CAPZB: variants seen among roughly 807,000 people sequenced by gnomAD.
The protein encoded by CAPZB is capping actin protein of muscle Z-line subunit beta, also known as F-actin-capping protein subunit beta.
Under a neutral mutation model 38.1 loss-of-function variants are expected in CAPZB, and 2 were observed. That is an observed-to-expected ratio of 0.05 (90% CI 0.02 to 0.17). CAPZB has a LOEUF of 0.17. Among genes scored for constraint, CAPZB ranks in the 10% least tolerant of loss-of-function variants. The probability of loss-of-function intolerance (pLI) is 1.00; values close to 1 mark genes in which losing one functional copy is unlikely to be tolerated. For missense variants in CAPZB, 161 were observed against 334.2 expected, an observed-to-expected ratio of 0.48 and a Z score of 4.04; for synonymous variants, 107 against 127.4, an observed-to-expected ratio of 0.84 and a Z score of 1.08.
chr1:19,394,192 G>T (rs1173656088), intron 2 of CAPZB, among the ~76,000 whole-genome samples: 1 of 152,134 alleles, frequency 6.6e-6, no homozygotes, highest in Admixed American at 6.5e-5. Flanking sequence ...TAGAGATGGG[G>T]TTTCACCATG....
chr1:19,350,483 C>T (rs2093985812), intron 6 of CAPZB, among the ~76,000 whole-genome samples: 1 of 152,276 alleles, frequency 6.6e-6, no homozygotes, highest in African/African-American at 2.4e-5. Flanking sequence ...GGCGTGCAGC[C>T]AGGCCAGAAG....
chr1:19,433,977 A>G lies in CAPZB; in HGVS notation c.4-14227T>C, dbSNP rs116582835. ...GCCCTCTGGCTCCCCTAAATAGATC[A>G]CCAAAGTTTTAAACATATTTTAGTG... On this transcript the variant is annotated intron_variant, in intron 1 of 8. Transcript: ENST00000264202. 6.9e-3 allele frequency among the ~76,000 whole-genome samples: 1,047 copies of G among 152,326 alleles called. 15 individuals are homozygous for G. The highest frequency in any genetic ancestry group is 0.024 in the African/African-American group (992 of 41,556).
chr1:19,342,390 G>C (rs566426382), intron 8 of CAPZB, among the ~76,000 whole-genome samples: 6 of 152,380 alleles, frequency 3.9e-5, no homozygotes, highest in African/African-American at 7.2e-5. Context: ...TGAAGCATGG[G>C]GGGGTGGACG....
chr1:19,388,540 T>C (rs2094215583), intron 2 of CAPZB, among the ~76,000 whole-genome samples: 1 of 152,248 alleles, frequency 6.6e-6, no homozygotes, highest in African/African-American at 2.4e-5. Flanking sequence ...TGGATGCTGA[T>C]GACAAGTTTC....
chr1:19,435,856 A>G (rs1172160899), intron 1 of CAPZB, among the ~76,000 whole-genome samples: 1 of 152,210 alleles, frequency 6.6e-6, no homozygotes. Flanking sequence ...TTTGTTTTAA[A>G]GTCTCCAAAA....
At chr1:19,420,891 C>A (rs1031764301) in intron 1 of CAPZB, among the ~76,000 whole-genome samples, 1 of 152,070 alleles carries the variant, frequency 6.6e-6, no homozygotes, top group Non-Finnish European at 1.5e-5. Flanking sequence ...AGAGCGGAGG[C>A]AAGGCTGGTA....
intron 1 of CAPZB, among the ~76,000 whole-genome samples, chr1:19,476,840 G>A (rs774092071): frequency 2.6e-5 from 4 of 152,218 alleles, no homozygotes; most frequent in South Asian, 2.1e-4. Flanking sequence ...GTGGCTAGAC[G>A]TACAGGGGAA....
At chr1:19,448,765 C>T in intron 1 of CAPZB, 1 of 1,581,694 alleles carries the variant, frequency 6.3e-7, no homozygotes, top group Admixed American at 1.7e-5. Flanking sequence ...TGGCAGTTAA[C>T]ATTTCAACCC....
intron 1 of CAPZB, 137 bp downstream of exon 1, chr1:19,485,299 G>T (rs936853578): frequency 6.4e-5 from 34 of 532,190 alleles, no homozygotes; most frequent in Non-Finnish European, 8.8e-5. Context: ...GGAGGGACCG[G>T]GTCCACCCAG....
intron 3 of CAPZB, among the ~76,000 whole-genome samples, chr1:19,381,872 C>G (rs1342197318): frequency 4.6e-5 from 7 of 151,968 alleles, no homozygotes; most frequent in Non-Finnish European, 1.5e-5. Context: ...CATCAGATCT[C>G]AGAGACAAAG....
chr1:19,485,289 G>T, intron 1 of CAPZB, 147 bp downstream of exon 1: 1 of 478,892 alleles, frequency 2.1e-6, no homozygotes, highest in Non-Finnish European at 3.3e-6. Context: ...TCCTGGGCGG[G>T]GAGGGACCGG....
chr1:19,423,663 T>C lies in CAPZB; in HGVS notation c.4-3913A>G, dbSNP rs372469943. On this transcript the variant is annotated intron_variant, in intron 1 of 8. Transcript: ENST00000264202. ...TCTCAGCCTCCTAAGTAGCTTGGAT[T>C]ACAGGCACACACCACCATGCCTGGT... 2.2e-4 allele frequency among the ~76,000 whole-genome samples: 33 copies of C among 151,928 alleles called. 1 individual carries two copies. Among genetic ancestry groups the C allele is most frequent in the African/African-American group, 7.5e-4 (31 of 41,416 alleles).
At chr1:19,400,175 T>C (rs570479808) in intron 2 of CAPZB, among the ~76,000 whole-genome samples, 84 of 152,166 alleles carry the variant, frequency 5.5e-4, no homozygotes, top group Admixed American at 1.4e-3. Flanking sequence ...CTCAACACCA[T>C]CCTGCTTACT....
chr1:19,354,882 C>G (rs2094011710), intron 6 of CAPZB, among the ~76,000 whole-genome samples: 1 of 152,182 alleles, frequency 6.6e-6, no homozygotes, highest in Admixed American at 6.5e-5. Flanking sequence ...AGCTGGCTGC[C>G]TGGGGGTTTG....
intron 1 of CAPZB, among the ~76,000 whole-genome samples, chr1:19,474,373 G>A (rs2094599747): frequency 6.6e-6 from 1 of 152,136 alleles, no homozygotes; most frequent in Non-Finnish European, 1.5e-5. Context: ...TGCTCAGGAA[G>A]TTGAGGCTGA....
intron 1 of CAPZB, among the ~76,000 whole-genome samples, chr1:19,442,431 T>G (rs2094480718): frequency 6.6e-6 from 1 of 152,120 alleles, no homozygotes; most frequent in Admixed American, 6.5e-5. Context: ...AATTGGGGGC[T>G]CATTATATCA....
intron 3 of CAPZB, among the ~76,000 whole-genome samples, chr1:19,382,249 T>C (rs775112291): frequency 3.3e-5 from 5 of 152,112 alleles, no homozygotes; most frequent in Non-Finnish European, 7.4e-5. Flanking sequence ...GAAGCCAGGG[T>C]AATTGTAGCT....
Position 19,344,371 on chromosome 1 carries a change from C to G in CAPZB, c.718G>C (p.Val240Leu), listed in dbSNP as rs1361836900. Reference sequence around the variant, plus strand: ...CTGGTACATTACCTCAGCCCATTGACGATATCCTTTGTTTTTCCAAAGTAG... The same window carrying G: ...CTGGTACATTACCTCAGCCCATTGAGGATATCCTTTGTTTTTCCAAAGTAG... The part of the protein sequence containing the change: ...EIYFGKTKDI[V>L]NGLRSVQTFA... Residue 240 changes from valine to leucine, a missense_variant, in exon 8 of 9, where the codon GTC (valine) becomes CTC (leucine). Physicochemically the swap from Val to Leu is conservative, Grantham distance 32. Transcript: ENST00000264202. The G allele has an allele frequency of 6.2e-7, 1 of 1,613,008 alleles. No individual in the cohort carries two copies. The highest frequency in any genetic ancestry group is 8.5e-7 in the Non-Finnish European group (1 of 1,178,930).
intron 6 of CAPZB, among the ~76,000 whole-genome samples, chr1:19,355,368 G>A (rs182483577): frequency 6.9e-4 from 105 of 151,984 alleles, no homozygotes; most frequent in Admixed American, 2.8e-3. Flanking sequence ...GGTGGTGCAC[G>A]CTTGTAATCC....
Sources: gnomAD v4.1 joint callset for allele counts (sites outside exome capture counted in the v4.1 genomes callset) on GRCh38, gnomAD v4.1.1 for gene constraint, MANE v1.5 for transcripts, NCBI Gene and HGNC (gene_info 2026-07-23, HGNC 2026-07-21) for gene names.